LY75: variants seen among roughly 807,000 people sequenced by gnomAD.
The protein encoded by LY75 is C-type lectin domain family 13 member B.
In LY75, 185 loss-of-function variants were observed where a neutral mutation model predicts 231.7. The observed-to-expected ratio is 0.80, with a 90% confidence interval of 0.71 to 0.90. The LOEUF (loss-of-function observed/expected upper bound fraction) is 0.90, where lower values mean the gene tolerates loss of function less well. Among genes scored for constraint, LY75 ranks in the 40% least tolerant of loss-of-function variants. The probability of loss-of-function intolerance (pLI) is 0.00; values close to 1 mark genes in which losing one functional copy is unlikely to be tolerated. For synonymous variants in LY75, 668 were observed against 689.0 expected, an observed-to-expected ratio of 0.97 and a Z score of 0.48; for missense variants, 1,947 against 2,050.2, an observed-to-expected ratio of 0.95 and a Z score of 0.97.
At chr2:159,863,856 TGAA>T (rs1321408145) in intron 14 of LY75, among the ~76,000 whole-genome samples, 1 of 152,186 alleles carries the variant, frequency 6.6e-6, no homozygotes. Flanking sequence ...AGCCATCCCT[TGAA>T]GATGTGTTCC....
rs564450166 is a variant in LY75, at chr2:159,893,940, C to T, written c.611G>A (p.Arg204Gln). 5.1e-5 allele frequency: 82 copies of T among 1,612,464 alleles called. No homozygotes were observed. The highest frequency in any genetic ancestry group is 1.7e-4 in the Middle Eastern group (1 of 6,046). ...AGGCTTTAAGCAGATGCCCCACTTT[C>T]GGTCATATTCATAATTTAAGGTGGT... ...CATTLNYEYD[R>Q]KWGICLKPEN... The change falls in exon 3 of 35, where the codon CGA becomes CAA. Residue 204 changes from arginine to glutamine, a missense_variant. Physicochemically the swap from Arg to Gln is conservative, Grantham distance 43. Transcript: ENST00000263636.
intron 11 of LY75, 161 bp from the exon 12 acceptor site, chr2:159,875,804 G>A (rs182169984): frequency 8.6e-6 from 4 of 463,446 alleles, no homozygotes; most frequent in African/African-American, 8.5e-5. Flanking sequence ...ATAATGACAG[G>A]TGTTTATTAT....
intron 21 of LY75, among the ~76,000 whole-genome samples, chr2:159,850,813 TAAGA>T (rs1388992268): frequency 1.1e-4 from 15 of 132,502 alleles, no homozygotes; most frequent in Admixed American, 1.0e-3. Flanking sequence ...ATCTTATATA[TAAGA>T]TATATATTGT....
rs905008325 is a variant in LY75 at position 159,881,107 on chromosome 2, G to T, written c.1380C>A (p.Pro460=). 6.2e-7 allele frequency: 1 copy of T among 1,613,646 alleles called. No individual in the cohort carries two copies. The highest frequency in any genetic ancestry group is 1.3e-5 in the African/African-American group (1 of 74,858). ...CCTCTCCTAAGTAGGAAACACAGTT[G>T]GGCGTCTTATTGTAGGGAACATTTG... The part of the protein sequence containing the change: ...NEPNVPYNKT[P]NCVSYLGELG... Residue 460 remains proline (P), a synonymous_variant, in exon 8 of 35, where the codon CCC becomes CCA. Transcript: ENST00000263636.
intron 29 of LY75, among the ~76,000 whole-genome samples, chr2:159,817,338 T>C (rs1683150872): frequency 6.6e-6 from 1 of 152,158 alleles, no homozygotes; most frequent in Non-Finnish European, 1.5e-5. Flanking sequence ...GTATGTGAAA[T>C]TGGTAGAGAT....
intron 13 of LY75, among the ~76,000 whole-genome samples, chr2:159,869,042 C>T (rs559322798): frequency 2.0e-5 from 3 of 152,138 alleles, no homozygotes; most frequent in Non-Finnish European, 4.4e-5. Context: ...AGCAAACTAT[C>T]GCAAGGACAG....
chr2:159,842,172 T>C (rs1292187339), intron 24 of LY75, 73 bp downstream of exon 24: 1 of 1,508,820 alleles, frequency 6.6e-7, no homozygotes, highest in Non-Finnish European at 8.9e-7. Flanking sequence ...CTATAGAAAG[T>C]GACTCTCTCT....
Position 159,835,576 on chromosome 2 carries a change from G to A in LY75, c.3577C>T (p.Gln1193Ter). ...TCTAATACTACACAGTCTTCGAGTT[G>A]CCCATTAGTTTCAGCCCAGCGACTA... ...HFSRWAETNGQLEDCVVLDTD... is the reference protein window; with the variant it reads ...HFSRWAETNG Residue 1193 changes from glutamine (Q) to a stop codon, truncating the protein, a stop_gained, in exon 26 of 35, where the codon CAA (glutamine) becomes TAA (stop). Coordinates refer to ENST00000263636, the MANE Select transcript of LY75 (RefSeq NM_002349.4). LOFTEE classifies it high-confidence loss of function. 1.2e-6 allele frequency: 2 copies of A among 1,613,746 alleles called. No homozygotes were observed. Among genetic ancestry groups the A allele is most frequent in the Non-Finnish European group, 1.7e-6 (2 of 1,179,856 alleles).
chr2:159,854,541 G>A lies in LY75; in HGVS notation c.2420-6C>T. ...TCCATGAATTCCAGCACGGTCTAAA[G>A]AAGAAGAAGAAAAAGATTAGAATTA... On this transcript the variant is annotated splice_region_variant and splice_polypyrimidine_tract_variant and intron_variant, in intron 17 of 34. Transcript: ENST00000263636. 6.4e-7 allele frequency: 1 copy of A among 1,574,102 alleles called. No homozygotes were observed.
chr2:159,894,602 T>C (rs1191284358), intron 2 of LY75, among the ~76,000 whole-genome samples: 1 of 152,206 alleles, frequency 6.6e-6, no homozygotes, highest in Non-Finnish European at 1.5e-5. Flanking sequence ...AGTCCCATTG[T>C]TCAGAGACTG....
intron 12 of LY75, among the ~76,000 whole-genome samples, chr2:159,873,805 T>C (rs1413641068): frequency 2.9e-5 from 3 of 104,592 alleles, no homozygotes; most frequent in African/African-American, 5.7e-5. Flanking sequence ...TATATACATA[T>C]AGTAAAAATA....
rs1432604457 is a variant in LY75, at chr2:159,834,100, T to C, written c.3785A>G (p.Lys1262Arg). ...CTGTGTTGTTGCCATATGCCTATTC[T>C]TTGTTATTATGAAATTGTAGCAACA... Reference protein sequence around the residue: ...QNCCYNFIITKNRHMATTQDE... With the variant: ...QNCCYNFIITRNRHMATTQDE... The change falls in exon 27 of 35, where the codon AAG (lysine) becomes AGG (arginine). Residue 1262 changes from lysine (K) to arginine (R), a missense_variant. Coordinates refer to ENST00000263636, the MANE Select transcript of LY75 (RefSeq NM_002349.4). 1 of 1,614,066 alleles carries C rather than the reference T, an allele frequency of 6.2e-7. No homozygotes were observed. The highest frequency in any genetic ancestry group is 1.1e-5 in the South Asian group (1 of 91,082).
At chr2:159,852,140 T>C (rs1684417640) in intron 21 of LY75, 61 bp downstream of exon 21, 2 of 1,588,178 alleles carry the variant, frequency 1.3e-6, no homozygotes, top group Non-Finnish European at 1.7e-6. Flanking sequence ...CATTCTGCCA[T>C]AGGCTATAAA....
intron 29 of LY75, 143 bp downstream of exon 29, chr2:159,819,583 T>C: frequency 9.9e-7 from 1 of 1,010,538 alleles, no homozygotes; most frequent in South Asian, 2.3e-5. Context: ...CCGTATCTTT[T>C]CCTTCCTCGA....
intron 17 of LY75, 108 bp from the exon 18 acceptor site, chr2:159,854,643 C>T (rs1364739452): frequency 8.9e-6 from 12 of 1,342,618 alleles, no homozygotes; most frequent in Non-Finnish European, 1.2e-5. Flanking sequence ...AGATTACCGG[C>T]CCTCTCTGGC....
At chr2:159,828,920 T>A (rs1344632) in intron 28 of LY75, among the ~76,000 whole-genome samples, 1 of 151,954 alleles carries the variant, frequency 6.6e-6, no homozygotes, top group African/African-American at 2.4e-5. Flanking sequence ...ATGGTATGAT[T>A]TCATTTATGT....
At chr2:159,890,558 T>C (rs912463846) in intron 3 of LY75, among the ~76,000 whole-genome samples, 181 bp from the exon 4 acceptor site, 1 of 152,178 alleles carries the variant, frequency 6.6e-6, no homozygotes, top group African/African-American at 2.4e-5. Context: ...ACACACCAAA[T>C]GACTCAGGCT....
At chr2:159,863,471 G>T (rs1401802239) in intron 14 of LY75, among the ~76,000 whole-genome samples, 1 of 152,072 alleles carries the variant, frequency 6.6e-6, no homozygotes, top group Non-Finnish European at 1.5e-5. Flanking sequence ...TGTATCTTTT[G>T]TCTTTTTTAT....
chr2:159,875,214 G>T (rs950097402), intron 12 of LY75, among the ~76,000 whole-genome samples: 1 of 151,814 alleles, frequency 6.6e-6, no homozygotes, highest in African/African-American at 2.4e-5. Context: ...CCTTGGGGTG[G>T]AGCCACTTCT....
Sources: allele counts gnomAD v4.1 joint callset (sites outside exome capture counted in the v4.1 genomes callset), GRCh38; gene constraint gnomAD v4.1.1; transcripts MANE v1.5; gene names NCBI Gene and HGNC (gene_info 2026-07-23, HGNC 2026-07-21).